Variants in EML6 observed in about 807,000 individuals in gnomAD.
EML6 encodes the protein EMAP like 6.
In EML6, 154 loss-of-function variants were observed where a neutral mutation model predicts 240.1. The observed-to-expected ratio is 0.64, with a 90% CI of 0.56 to 0.73. The LOEUF is 0.73. EML6 is among the 30% of genes least tolerant of loss of function. The pLI, the probability that EML6 is intolerant of heterozygous loss-of-function variation, is 0.00. For missense variants in EML6, 2,964 were observed against 2,474.6 expected (o/e 1.20, Z -4.20); for synonymous variants, 1,148 against 899.0 (o/e 1.28, Z -4.95).
intron 7 of EML6, among the ~76,000 whole-genome samples, chr2:54,830,338 C>G (rs60853661): frequency 6.6e-6 from 1 of 152,048 alleles, no homozygotes; most frequent in African/African-American, 2.4e-5. Flanking sequence ...AGACCCTGCG[C>G]CAAGGGAGGG....
rs956270048 is a variant in EML6 at position 54,879,473 on chromosome 2, T to A, written c.2345-74T>A. 4.3e-6 allele frequency: 4 copies of A among 934,720 alleles called. No individual in the cohort carries two copies. In the Admixed American group the frequency reaches 6.7e-5, roughly 16 times the overall value. The allele number at this position is 934,720 out of a possible 1,614,324, so 57.9% of individuals were successfully genotyped here. A position where few individuals can be genotyped will look rare whatever the true frequency, so the allele number is the denominator to read the frequency against. ...ATCAGTTCTTAAGATCAGTTACTTA[T>A]TCCTCTTTACAGTGTATGAAATGTT... On this transcript the variant is annotated intron_variant, in intron 16 of 41. Transcript: ENST00000356458.
intron 7 of EML6, among the ~76,000 whole-genome samples, chr2:54,830,434 A>T (rs139055137): frequency 3.3e-5 from 5 of 152,096 alleles, no homozygotes; most frequent in Non-Finnish European, 7.4e-5. Flanking sequence ...CAGTGCCGAG[A>T]TGAGGGAGAA....
rs1046505356 is a variant in EML6, at chr2:54,905,243, C to G, written c.3409+1741C>G. On this transcript the variant is annotated intron_variant, in intron 24 of 41. Coordinates refer to ENST00000356458, the MANE Select transcript of EML6 (RefSeq NM_001039753.4). ...ATATTCTCTGCTTTTTTTTTTAAAG[C>G]AGTGATTTCTCCCTATTTATTATCT... is the stretch of plus-strand genomic sequence containing the variant. Among the ~76,000 whole-genome samples the G allele has an allele frequency of 2.7e-5, 4 of 149,718 alleles. No individual in the cohort carries two copies. In the South Asian group the frequency reaches 8.5e-4, roughly 32 times the overall value.
intron 2 of EML6, among the ~76,000 whole-genome samples, chr2:54,797,357 C>A (rs1669873925): frequency 6.6e-6 from 1 of 151,950 alleles, no homozygotes; most frequent in Non-Finnish European, 1.5e-5. Context: ...TGAATATGGT[C>A]TGGCCTTGAG....
At chr2:54,926,350 C>A (rs1275212610) in intron 26 of EML6, among the ~76,000 whole-genome samples, 1 of 152,256 alleles carries the variant, frequency 6.6e-6, no homozygotes, top group Non-Finnish European at 1.5e-5. Context: ...GATCTGCCCG[C>A]CTTGGCCTCC....
intron 9 of EML6, among the ~76,000 whole-genome samples, chr2:54,848,391 A>G (rs1669884676): frequency 6.6e-6 from 1 of 152,172 alleles, no homozygotes; most frequent in African/African-American, 2.4e-5. Context: ...TTATTACACT[A>G]CATTCTCACT....
chr2:54,881,128 A>G (rs951842161), intron 17 of EML6: 5 of 152,216 alleles, frequency 3.3e-5, no homozygotes, highest in East Asian at 1.9e-4. Flanking sequence ...AGAATTGCCC[A>G]GGAGAACATT....
rs181921316 is a variant in EML6, at chr2:54,905,556, A to T, written c.3409+2054A>T. 4.2e-3 allele frequency among the ~76,000 whole-genome samples: 644 copies of T among 152,314 alleles called. 5 individuals are homozygous for T. The highest frequency in any genetic ancestry group is 0.015 in the African/African-American group (630 of 41,544). On this transcript the variant is annotated intron_variant, in intron 24 of 41. Transcript: ENST00000356458. ...TGTGAAGTACACATAACAAAAATGT[A>T]CCATTTTAATCATTTTTTAAGTGTA...
At chr2:54,940,558 A>G (rs537585094) in intron 28 of EML6, among the ~76,000 whole-genome samples, 1 of 152,230 alleles carries the variant, frequency 6.6e-6, no homozygotes, top group African/African-American at 2.4e-5. Flanking sequence ...GGTACCTTAC[A>G]CTTAATACAC....
intron 2 of EML6, among the ~76,000 whole-genome samples, chr2:54,727,651 G>GT (rs1682970590): frequency 6.6e-6 from 1 of 152,082 alleles, no homozygotes; most frequent in African/African-American, 2.4e-5. Context: ...AAGTGTTTTG[G>GT]TTTTTTATTG....
At chr2:54,867,590 CAAA>C (rs1671039154) in intron 14 of EML6, 1 of 152,146 alleles carries the variant, frequency 6.6e-6, no homozygotes, top group South Asian at 2.1e-4. Context: ...CTCATCTCTA[CAAA>C]AAACTAGCCA....
intron 33 of EML6, among the ~76,000 whole-genome samples, chr2:54,958,588 C>A (rs1676345737): frequency 6.6e-6 from 1 of 152,086 alleles, no homozygotes; most frequent in African/African-American, 2.4e-5. Flanking sequence ...AGTTGCAAGC[C>A]CCAGAGGATA....
At chr2:54,884,113 C>G (rs1301661521) in intron 17 of EML6, among the ~76,000 whole-genome samples, 3 of 152,146 alleles carry the variant, frequency 2.0e-5, no homozygotes, top group Admixed American at 2.0e-4. Context: ...GCCTCAGATG[C>G]CACAGGTTGA....
intron 2 of EML6, among the ~76,000 whole-genome samples, chr2:54,762,004 T>C (rs866791385): frequency 5.9e-5 from 9 of 152,178 alleles, no homozygotes; most frequent in Non-Finnish European, 1.3e-4. Flanking sequence ...GTTGACACAA[T>C]ACTGTTATCT....
intron 31 of EML6, among the ~76,000 whole-genome samples, chr2:54,953,338 G>A (rs1676074727): frequency 1.3e-5 from 2 of 152,228 alleles, no homozygotes; most frequent in African/African-American, 4.8e-5. Flanking sequence ...CCATCCGTGA[G>A]TAGTTTGAAT....
intron 16 of EML6, 37 bp from the exon 17 acceptor site, chr2:54,879,510 T>G: frequency 7.1e-7 from 1 of 1,398,852 alleles, no homozygotes; most frequent in South Asian, 1.3e-5. Context: ...TGTTTTTTCA[T>G]GGAAGAAATT....
intron 7 of EML6, among the ~76,000 whole-genome samples, chr2:54,834,996 C>T (rs1483421947): frequency 6.6e-6 from 1 of 152,236 alleles, no homozygotes; most frequent in Non-Finnish European, 1.5e-5. Flanking sequence ...CTTATGGCAG[C>T]CACCACCCTC....
intron 2 of EML6, among the ~76,000 whole-genome samples, chr2:54,761,056 T>G (rs564778892): frequency 1.2e-4 from 19 of 152,278 alleles, no homozygotes; most frequent in African/African-American, 4.6e-4. Flanking sequence ...AAACTAGATT[T>G]CAGCTTCTCT....
intron 2 of EML6, among the ~76,000 whole-genome samples, chr2:54,775,210 C>A (rs542694563): frequency 1.3e-5 from 2 of 152,278 alleles, no homozygotes; most frequent in South Asian, 4.1e-4. Context: ...TACTCTCAAC[C>A]CTTGCTGCCC....
Sources: gnomAD v4.1 joint callset for allele counts (sites outside exome capture counted in the v4.1 genomes callset) on GRCh38, gnomAD v4.1.1 for gene constraint, MANE v1.5 for transcripts, NCBI Gene and HGNC (gene_info 2026-07-23, HGNC 2026-07-21) for gene names.